The following CCDC39 variants were observed in gnomAD, a reference collection of about 807,000 sequenced individuals.
CCDC39 encodes the protein coiled-coil domain-containing protein 39.
CCDC39 carries 113 observed loss-of-function variants against 121.0 expected under a neutral mutation model. The observed-to-expected ratio is 0.93, with a 90% CI of 0.80 to 1.09. The LOEUF (loss-of-function observed/expected upper bound fraction) is 1.09, where lower values mean the gene tolerates loss of function less well. CCDC39 is among the 50% of genes least tolerant of loss of function. CCDC39 has a pLI of 0.00. For synonymous variants in CCDC39, 349 were observed against 352.2 expected, an observed-to-expected ratio of 0.99 and a Z score of 0.10; for missense variants, 1,063 against 1,074.7, an observed-to-expected ratio of 0.99 and a Z score of 0.15.
Position 180,642,055 on chromosome 3 carries a change from C to A in CCDC39, c.1812G>T (p.Lys604Asn). The A allele has an allele frequency of 6.2e-7, 1 of 1,610,250 alleles. No individual in the cohort carries two copies. ...GTGACGCAAGCATTGTTTTATGAAC[C>A]TTGATTTCTTCAGTTCGCTCTTCCA... ...TAMEERTEEI[K>N]VHKTMLASQI... is the part of the protein sequence containing the mutation. Residue 604 changes from lysine to asparagine, a missense_variant, in exon 13 of 20, where the codon AAG (lysine) becomes AAT (asparagine). Physicochemically the swap from Lys to Asn is moderately conservative, Grantham distance 94. Coordinates refer to ENST00000476379, the MANE Select transcript of CCDC39 (RefSeq NM_181426.2).
chr3:180,631,039 A>G (rs1717679915), intron 14 of CCDC39, among the ~76,000 whole-genome samples: 1 of 152,224 alleles, frequency 6.6e-6, no homozygotes, highest in Admixed American at 6.5e-5. Flanking sequence ...TGTCACATGC[A>G]TACCAAAGAC....
intron 8 of CCDC39, 89 bp from the exon 9 acceptor site, chr3:180,651,622 T>G: frequency 7.7e-7 from 1 of 1,297,540 alleles, no homozygotes; most frequent in African/African-American, 1.5e-5. Flanking sequence ...TATTTATTTG[T>G]ATAACTTGAA....
chr3:180,675,620 T>A (rs1712174657), intron 1 of CCDC39, among the ~76,000 whole-genome samples: 1 of 152,156 alleles, frequency 6.6e-6, no homozygotes. Flanking sequence ...GGGCATTTAG[T>A]GCTATAAATT....
chr3:180,654,898 T>A lies in CCDC39; in HGVS notation c.794A>T (p.Lys265Met). Residue 265 changes from lysine (K) to methionine (M), a missense_variant, in exon 7 of 20, where the codon AAG becomes ATG. By Grantham distance (95) the Lys-to-Met change is moderately conservative (BLOSUM62 -1). Transcript: ENST00000476379. Reference sequence around the variant, plus strand: ...AATCTCACTTTCCAAAAACTTGATCTTTTCTTTAACCAAATTTTCTTTTTC... The same window carrying A: ...AATCTCACTTTCCAAAAACTTGATCATTTCTTTAACCAAATTTTCTTTTTC... ...TREKENLVKEKIKFLESEIGN... is the reference protein window; with the variant it reads ...TREKENLVKEMIKFLESEIGN... 1 of 1,590,840 alleles carries A rather than the reference T, an allele frequency of 6.3e-7. No homozygotes were observed. The highest frequency in any genetic ancestry group is 8.5e-7 in the Non-Finnish European group (1 of 1,171,654).
chr3:180,630,477 G>A (rs899837248), intron 14 of CCDC39, among the ~76,000 whole-genome samples: 1 of 152,112 alleles, frequency 6.6e-6, no homozygotes, highest in Non-Finnish European at 1.5e-5. Flanking sequence ...TAAGTTGGTA[G>A]AAATCAAAGG....
chr3:180,674,642 A>C (rs1168640520), intron 1 of CCDC39, among the ~76,000 whole-genome samples: 4 of 152,156 alleles, frequency 2.6e-5, no homozygotes, highest in Non-Finnish European at 4.4e-5. Context: ...TATTATTTTG[A>C]GATACGGCCC....
intron 9 of CCDC39, among the ~76,000 whole-genome samples, chr3:180,649,656 C>A (rs1718151619): frequency 6.6e-6 from 1 of 151,896 alleles, no homozygotes; most frequent in African/African-American, 2.4e-5. Context: ...TTTTTTCAAA[C>A]AAACAAAAAC....
chr3:180,667,683 T>G (rs1711922939), intron 1 of CCDC39, among the ~76,000 whole-genome samples: 1 of 152,104 alleles, frequency 6.6e-6, no homozygotes, highest in Non-Finnish European at 1.5e-5. Flanking sequence ...CTCTATTCCT[T>G]GAAACACAAT....
Position 180,642,084 on chromosome 3 carries a change from C to T in CCDC39, c.1783G>A (p.Ala595Thr), listed in dbSNP as rs369745268. ...ATTTCTTCAGTTCGCTCTTCCATTG[C>T]TGTGTATAATTGCTGTTTTCTTTTT... ...LEKRKQQLYTAMEERTEEIKV... is the reference protein window; with the variant it reads ...LEKRKQQLYTTMEERTEEIKV... Residue 595 changes from alanine to threonine, a missense_variant, in exon 13 of 20, where the codon GCA becomes ACA. Coordinates refer to ENST00000476379, the MANE Select transcript of CCDC39 (RefSeq NM_181426.2). The T allele has an allele frequency of 6.8e-6, 11 of 1,612,610 alleles. No individual in the cohort carries two copies. The African/African-American group carries it at 8.0e-5, about 12-fold the overall frequency.
intron 4 of CCDC39, 120 bp from the exon 5 acceptor site, chr3:180,659,889 T>C (rs1711700619): frequency 1.8e-6 from 1 of 560,976 alleles, no homozygotes; most frequent in Non-Finnish European, 2.8e-6. Context: ...TATCTAAAAC[T>C]GTGAAATAAT....
intron 1 of CCDC39, among the ~76,000 whole-genome samples, chr3:180,669,043 C>T (rs192513126): frequency 1.4e-3 from 208 of 152,258 alleles, no homozygotes; most frequent in Admixed American, 2.7e-3. Flanking sequence ...AATGCATGTT[C>T]GTATGTGAGA....
intron 6 of CCDC39, among the ~76,000 whole-genome samples, chr3:180,656,068 T>C (rs976983714): frequency 2.6e-5 from 4 of 152,216 alleles, no homozygotes; most frequent in African/African-American, 9.6e-5. Flanking sequence ...AGATATATTT[T>C]AAAAAGGAAA....
At chr3:180,650,093 AC>A (rs929409680) in intron 9 of CCDC39, among the ~76,000 whole-genome samples, 1 of 151,654 alleles carries the variant, frequency 6.6e-6, no homozygotes, top group Non-Finnish European at 1.5e-5. Context: ...CCCTTTTTCA[AC>A]CCCCCCAAAC....
intron 14 of CCDC39, among the ~76,000 whole-genome samples, chr3:180,623,796 T>G (rs1348597915): frequency 6.6e-6 from 1 of 152,134 alleles, no homozygotes; most frequent in African/African-American, 2.4e-5. Context: ...TGCCGGTTTT[T>G]CACTCCACTG....
Position 180,614,171 on chromosome 3 carries a change from G to GT in CCDC39, c.*749dup, listed in dbSNP as rs1717127925. On this transcript the variant is annotated 3_prime_UTR_variant, in exon 20 of 20. Coordinates refer to ENST00000476379, the MANE Select transcript of CCDC39 (RefSeq NM_181426.2). ...AAATGAAATTTCTATTGCAAATCAAGTCATACCTAGCTTTCATTAAATCGT... is the reference window on the plus strand; with the variant it reads ...AAATGAAATTTCTATTGCAAATCAAGTTCATACCTAGCTTTCATTAAATCGT... The GT allele has an allele frequency of 6.0e-6, 1 of 166,420 alleles. No homozygotes were observed. The highest frequency in any genetic ancestry group is 1.4e-4 in the South Asian group (1 of 7,118). 10.3% of individuals were successfully genotyped at this position (166,420 alleles called of 1,614,324 possible). A position where few individuals can be genotyped will look rare whatever the true frequency, so the allele number is the denominator to read the frequency against.
chr3:180,633,409 A>G lies in CCDC39; in HGVS notation c.1875-1817T>C, dbSNP rs111928375. Among the ~76,000 whole-genome samples, 108 of 152,376 alleles carry G rather than the reference A, an allele frequency of 7.1e-4. 2 individuals are homozygous for G. The highest frequency in any genetic ancestry group is 2.5e-3 in the African/African-American group (102 of 41,592). ...AAAAGAGAAGAGGATATTGATTCCA[A>G]AAACACCCATAAAACAAGATGGGCT... On this transcript the variant is annotated intron_variant, in intron 13 of 19. Transcript: ENST00000476379.
chr3:180,629,598 T>G (rs1717646973), intron 14 of CCDC39, among the ~76,000 whole-genome samples: 1 of 152,228 alleles, frequency 6.6e-6, no homozygotes, highest in South Asian at 2.1e-4. Context: ...TAATTTTTCC[T>G]GATATAAGCT....
chr3:180,635,183 A>T (rs556141554), intron 13 of CCDC39, among the ~76,000 whole-genome samples: 11 of 152,284 alleles, frequency 7.2e-5, no homozygotes, highest in Non-Finnish European at 1.5e-4. Flanking sequence ...TCACTCACTC[A>T]CAAGAACAGC....
chr3:180,629,303 T>C (rs987464284), intron 14 of CCDC39, among the ~76,000 whole-genome samples: 1 of 152,256 alleles, frequency 6.6e-6, no homozygotes, highest in Non-Finnish European at 1.5e-5. Context: ...ACTTCAGTGC[T>C]TGGGTTATCT....
Sources: allele counts gnomAD v4.1 joint callset (sites outside exome capture counted in the v4.1 genomes callset), GRCh38; gene constraint gnomAD v4.1.1; transcripts MANE v1.5; gene names NCBI Gene and HGNC (gene_info 2026-07-23, HGNC 2026-07-21).